ITGB3BP: variants seen among roughly 807,000 people sequenced by gnomAD.
ITGB3BP encodes the protein integrin subunit beta 3 binding protein.
A neutral mutation model predicts 29.1 loss-of-function variants in ITGB3BP; 27 were observed. That is an observed-to-expected ratio of 0.93 (90% CI 0.68 to 1.28). The LOEUF (loss-of-function observed/expected upper bound fraction) is 1.28. Among genes scored for constraint, ITGB3BP ranks in the 50% most tolerant of loss-of-function variants. The pLI is 0.00. For synonymous variants in ITGB3BP, 61 were observed against 61.4 expected, an observed-to-expected ratio of 0.99 and a Z score of 0.03; for missense variants, 192 against 200.2, an observed-to-expected ratio of 0.96 and a Z score of 0.25.
chr1:63,503,901 T>C (rs893093578), intron 2 of ITGB3BP, among the ~76,000 whole-genome samples: 1 of 152,084 alleles, frequency 6.6e-6, no homozygotes, highest in African/African-American at 2.4e-5. Context: ...TACCATGCTG[T>C]TTTGGTTACT....
chr1:63,455,359 A>G (rs1644918012), intron 4 of ITGB3BP, among the ~76,000 whole-genome samples: 1 of 152,160 alleles, frequency 6.6e-6, no homozygotes, highest in Non-Finnish European at 1.5e-5. Context: ...TTGGAATTCA[A>G]TCTTCTGAAC....
At chr1:63,474,790 G>C (rs1159255010) in intron 4 of ITGB3BP, among the ~76,000 whole-genome samples, 1 of 150,832 alleles carries the variant, frequency 6.6e-6, no homozygotes, top group Non-Finnish European at 1.5e-5. Context: ...AGGAAAACCA[G>C]AGACCTTTGT....
At chr1:63,467,475 G>A (rs944957571) in intron 4 of ITGB3BP, among the ~76,000 whole-genome samples, 1 of 151,598 alleles carries the variant, frequency 6.6e-6, no homozygotes, top group African/African-American at 2.4e-5. Context: ...TCAGCCTCTC[G>A]AGTAGTGGGA....
chr1:63,455,093 A>G (rs760749533), intron 4 of ITGB3BP, 125 bp from the exon 5 acceptor site: 19 of 564,304 alleles, frequency 3.4e-5, no homozygotes, highest in Non-Finnish European at 5.4e-5. Context: ...TACAAACACA[A>G]TATATATTAT....
intron 2 of ITGB3BP, 61 bp downstream of exon 2, chr1:63,508,467 C>A: frequency 1.4e-6 from 1 of 705,174 alleles, no homozygotes; most frequent in South Asian, 1.9e-5. Context: ...CGAGATAAAT[C>A]AGTAGTTAAA....
chr1:63,494,097 T>C (rs1454463890), intron 2 of ITGB3BP, among the ~76,000 whole-genome samples: 1 of 152,160 alleles, frequency 6.6e-6, no homozygotes, highest in Non-Finnish European at 1.5e-5. Context: ...CGTTTCACAA[T>C]TTGGGCCTAA....
upstream of ITGB3BP, chr1:63,525,614 G>A: frequency 1.3e-6 from 2 of 1,577,156 alleles, no homozygotes; most frequent in Non-Finnish European, 8.5e-7. Context: ...TCTCCAGTCA[G>A]AAATCAACAC....
chr1:63,449,573 G>A (rs1236224099), intron 7 of ITGB3BP: 2 of 152,470 alleles, frequency 1.3e-5, no homozygotes, highest in African/African-American at 2.4e-5. Flanking sequence ...TAAAACAAGA[G>A]CATTAACATT....
chr1:63,482,711 T>G (rs1260696764), intron 3 of ITGB3BP, among the ~76,000 whole-genome samples: 2 of 147,952 alleles, frequency 1.4e-5, no homozygotes. Flanking sequence ...CGGAAAGCAG[T>G]GGTGCGATCT....
intron 1 of ITGB3BP, chr1:63,510,168 C>A: frequency 3.8e-6 from 2 of 525,166 alleles, no homozygotes; most frequent in Admixed American, 3.1e-5. Context: ...CTAGCCTGGG[C>A]AACGGGAGCA....
chr1:63,464,725 TC>T (rs2100551705), intron 4 of ITGB3BP, among the ~76,000 whole-genome samples: 1 of 152,300 alleles, frequency 6.6e-6, no homozygotes, highest in African/African-American at 2.4e-5. Context: ...CTGGTGAACA[TC>T]ACTGTAATCA....
intron 1 of ITGB3BP, among the ~76,000 whole-genome samples, chr1:63,517,187 A>G (rs12067116): frequency 0.21 from 32,430 of 151,894 alleles, 4,020 homozygotes; most frequent in African/African-American, 0.35. Flanking sequence ...AAATAAAAAA[A>G]GAGCAAAACT....
intron 3 of ITGB3BP, among the ~76,000 whole-genome samples, chr1:63,487,761 A>G (rs1645559349): frequency 6.6e-6 from 1 of 152,154 alleles, no homozygotes; most frequent in South Asian, 2.1e-4. Context: ...TATGTAGTAC[A>G]CGACTATATC....
chr1:63,447,429 C>A (rs1311902833), intron 7 of ITGB3BP: 1 of 384,832 alleles, frequency 2.6e-6, no homozygotes, highest in African/African-American at 2.1e-5. Flanking sequence ...ATAGATAAGA[C>A]TTTTTGTTTG....
intron 7 of ITGB3BP, among the ~76,000 whole-genome samples, chr1:63,449,117 G>A (rs1235484091): frequency 1.3e-5 from 2 of 152,204 alleles, no homozygotes; most frequent in African/African-American, 4.8e-5. Context: ...CTGTGTACAC[G>A]CTGTAGAAGG....
At position 63,523,170 on chromosome 1, in the gene ITGB3BP, A is replaced by T. The variant is rs926260820; in HGVS notation, c.-37T>A. 2 of 1,613,748 alleles carry T rather than the reference A, an allele frequency of 1.2e-6. No homozygotes were observed. On this transcript the variant is annotated 5_prime_UTR_variant, in exon 1 of 9. Transcript: ENST00000271002. ...GGAAAGCACCACTGCCGCTGAATAA[A>T]ACGAACCCAGCAACTTCCGAAAACA...
chr1:63,475,335 C>T (rs11809271), intron 4 of ITGB3BP, among the ~76,000 whole-genome samples: 3,384 of 152,188 alleles, frequency 0.022, 128 homozygotes, highest in African/African-American at 0.077. Context: ...GCAAGAGGAT[C>T]GCTTTAGCCC....
chr1:63,490,125 T>A lies in ITGB3BP; in HGVS notation c.142A>T (p.Thr48Ser). The change falls in exon 3 of 9, where the codon ACA becomes TCA. Residue 48 changes from threonine (T) to serine (S), a missense_variant. Coordinates refer to ENST00000271002, the MANE Select transcript of ITGB3BP (RefSeq NM_014288.5). ...TCQMSLFASPTSSEEQKHRNG... is the reference protein window; with the variant it reads ...TCQMSLFASPSSSEEQKHRNG... ...CTGTGCTTTTGCTCTTCAGAACTTG[T>A]GGGAGAAGCAAATAGACTCATTTGA... 6.2e-7 allele frequency: 1 copy of A among 1,611,514 alleles called. No individual in the cohort carries two copies. The highest frequency in any genetic ancestry group is 8.5e-7 in the Non-Finnish European group (1 of 1,178,208).
intron 3 of ITGB3BP, among the ~76,000 whole-genome samples, chr1:63,479,325 AATTTT>A (rs1645398114): frequency 6.6e-6 from 1 of 152,162 alleles, no homozygotes; most frequent in Admixed American, 6.5e-5. Context: ...AGTACCTTTT[AATTTT>A]ATTTTTAAAC....
Sources: allele counts gnomAD v4.1 joint callset (sites outside exome capture counted in the v4.1 genomes callset), GRCh38; gene constraint gnomAD v4.1.1; transcripts MANE v1.5; gene names NCBI Gene and HGNC (gene_info 2026-07-23, HGNC 2026-07-21).